Variants in CCDC30 observed in about 807,000 individuals in gnomAD.
CCDC30 encodes coiled-coil domain containing 30.
Under a neutral mutation model 100.2 loss-of-function variants are expected in CCDC30, and 70 were observed. That is an observed-to-expected ratio of 0.70 (90% CI 0.58 to 0.85). The LOEUF (loss-of-function observed/expected upper bound fraction) is 0.85. CCDC30 is among the 40% of genes least tolerant of loss of function. The pLI is 0.00. For synonymous variants in CCDC30, 233 were observed against 269.5 expected (o/e 0.86, Z 1.33); for missense variants, 652 against 771.2 (o/e 0.85, Z 1.83).
intron 3 of CCDC30, among the ~76,000 whole-genome samples, chr1:42,485,220 A>C (rs1557798611): frequency 6.6e-6 from 1 of 152,194 alleles, no homozygotes; most frequent in Non-Finnish European, 1.5e-5. Context: ...TAAAACTGTA[A>C]AACTGTTAGA....
chr1:42,533,337 GAAGA>G (rs1644836965), intron 6 of CCDC30, among the ~76,000 whole-genome samples: 2 of 152,128 alleles, frequency 1.3e-5, no homozygotes, highest in African/African-American at 4.8e-5. Context: ...AAAGAAAGAA[GAAGA>G]AAGAGAGGTG....
chr1:42,462,872 C>G (rs1643447659), upstream of CCDC30, among the ~76,000 whole-genome samples: 1 of 152,142 alleles, frequency 6.6e-6, no homozygotes, highest in Admixed American at 6.5e-5. Context: ...TCTTACGTGC[C>G]CCACGTGGCT....
At chr1:42,569,800 A>C (rs1351475244) in intron 7 of CCDC30, among the ~76,000 whole-genome samples, 1 of 152,270 alleles carries the variant, frequency 6.6e-6, no homozygotes, top group East Asian at 1.9e-4. Context: ...GCAGCCATAA[A>C]AAAGAATGAG....
intron 1 of CCDC30, chr1:42,473,031 G>A (rs1161934682): frequency 1.7e-6 from 2 of 1,159,778 alleles, no homozygotes; most frequent in South Asian, 4.5e-5. Flanking sequence ...ACTCTAATAA[G>A]GAGACTAAGG....
intron 6 of CCDC30, among the ~76,000 whole-genome samples, chr1:42,526,150 C>G (rs1644721247): frequency 3.3e-5 from 5 of 152,154 alleles, no homozygotes; most frequent in Admixed American, 3.3e-4. Context: ...TCACCACACT[C>G]TAGAAAGTAT....
At chr1:42,492,806 C>T (rs1403834047) in intron 4 of CCDC30, among the ~76,000 whole-genome samples, 2 of 152,040 alleles carry the variant, frequency 1.3e-5, no homozygotes, top group East Asian at 3.9e-4. Flanking sequence ...GCCACCATGC[C>T]CAGCTAATTT....
At chr1:42,475,482 CAG>C (rs1214988782) in intron 1 of CCDC30, among the ~76,000 whole-genome samples, 1 of 152,018 alleles carries the variant, frequency 6.6e-6, no homozygotes, top group African/African-American at 2.4e-5. Context: ...CCAACTCAAA[CAG>C]AGTTGTTTTT....
intron 6 of CCDC30, among the ~76,000 whole-genome samples, chr1:42,552,026 A>G (rs1645262495): frequency 6.6e-6 from 1 of 152,082 alleles, no homozygotes; most frequent in Non-Finnish European, 1.5e-5. Flanking sequence ...TTGGCCTCCC[A>G]AAGTGCTGGG....
At chr1:42,590,539 A>G (rs12041150) in intron 10 of CCDC30, 30,567 of 152,204 alleles carry the variant, frequency 0.2, 3,376 homozygotes, top group South Asian at 0.42. Flanking sequence ...CCAGGAGTTC[A>G]AGACCAGCCT....
intron 7 of CCDC30, among the ~76,000 whole-genome samples, chr1:42,575,376 G>A (rs951739099): frequency 6.6e-6 from 1 of 151,940 alleles, no homozygotes; most frequent in Non-Finnish European, 1.5e-5. Context: ...TTGGCTGGGT[G>A]CGGTGGCTCA....
chr1:42,497,948 A>G (rs563636708), intron 5 of CCDC30, among the ~76,000 whole-genome samples: 1 of 152,360 alleles, frequency 6.6e-6, no homozygotes, highest in East Asian at 1.9e-4. Context: ...AATTGAAAAC[A>G]GAGACTCATA....
rs1246699023 is a variant in CCDC30, at chr1:42,496,972, A to G, written c.242-126A>G. 33 of 417,122 alleles carry G rather than the reference A, an allele frequency of 7.9e-5. No individual in the cohort carries two copies. In the East Asian group the frequency reaches 1.1e-3, roughly 14 times the overall value. The allele number at this position is 417,122 out of a possible 1,614,324, so 25.8% of individuals were successfully genotyped here. On this transcript the variant is annotated intron_variant, in intron 4 of 16. Transcript: ENST00000668663. ...CTCCTGCACAGAGAGCCAGCCACAT[A>G]TGCAGAGACATGGTAGGACTGACAA...
intron 6 of CCDC30, among the ~76,000 whole-genome samples, chr1:42,534,160 T>C (rs1644854114): frequency 1.3e-5 from 2 of 152,202 alleles, no homozygotes. Flanking sequence ...AAAGCTATCT[T>C]TTAAAAATTA....
chr1:42,653,122 G>A (rs1648493397), intron 15 of CCDC30, among the ~76,000 whole-genome samples: 1 of 152,102 alleles, frequency 6.6e-6, no homozygotes, highest in South Asian at 2.1e-4. Context: ...GCAAGGTGAA[G>A]ATAGTATGTA....
intron 8 of CCDC30, chr1:42,580,854 A>G (rs1452369367): frequency 4.4e-6 from 2 of 456,122 alleles, no homozygotes; most frequent in African/African-American, 4.0e-5. Context: ...ATCTAGCCAC[A>G]CTGTGGAGAA....
the CCDC30 span, among the ~76,000 whole-genome samples, chr1:42,457,893 T>C: frequency 1.3e-5 from 2 of 148,872 alleles, no homozygotes; most frequent in African/African-American, 5.0e-5. Flanking sequence ...AGGCGGAGGT[T>C]GCAGTGAGCT....
At chr1:42,574,584 G>A (rs899151714) in intron 7 of CCDC30, among the ~76,000 whole-genome samples, 3 of 151,746 alleles carry the variant, frequency 2.0e-5, no homozygotes, top group African/African-American at 7.3e-5. Context: ...CCAAATTTTA[G>A]CTTGTTGATC....
intron 7 of CCDC30, among the ~76,000 whole-genome samples, chr1:42,568,863 A>G (rs1039982680): frequency 4.6e-5 from 7 of 151,588 alleles, no homozygotes; most frequent in African/African-American, 1.7e-4. Flanking sequence ...GAATTGCTTG[A>G]ATCCAGGAGG....
chr1:42,517,863 G>A (rs1644579685), intron 6 of CCDC30, among the ~76,000 whole-genome samples: 1 of 152,098 alleles, frequency 6.6e-6, no homozygotes, highest in Non-Finnish European at 1.5e-5. Context: ...ACACTGTTTT[G>A]AACACTGCAG....
Sources: allele counts gnomAD v4.1 joint callset (sites outside exome capture counted in the v4.1 genomes callset), GRCh38; gene constraint gnomAD v4.1.1; transcripts MANE v1.5; gene names NCBI Gene and HGNC (gene_info 2026-07-23, HGNC 2026-07-21).